PEX1: variants seen among roughly 807,000 people sequenced by gnomAD.
PEX1 encodes peroxisomal biogenesis factor 1, also known as peroxisomal ATPase PEX1.
In PEX1, 97 loss-of-function variants were observed where a neutral mutation model predicts 152.5. That is an observed-to-expected ratio of 0.64 (90% CI 0.54 to 0.75). The LOEUF is 0.75. Ranked by LOEUF, PEX1 falls within the 30% of genes least tolerant of loss-of-function variation. The probability of loss-of-function intolerance (pLI) is 0.00; values close to 1 mark genes in which losing one functional copy is unlikely to be tolerated. For synonymous variants in PEX1, 485 were observed against 531.6 expected, an observed-to-expected ratio of 0.91 and a Z score of 1.21; for missense variants, 1,357 against 1,516.3, an observed-to-expected ratio of 0.89 and a Z score of 1.74.
Position 92,487,465 on chromosome 7 carries a change from A to C in PEX1, c.3844T>G (p.Leu1282Val). 1 of 1,570,708 alleles carries C rather than the reference A, an allele frequency of 6.4e-7. No homozygotes were observed. The highest frequency in any genetic ancestry group is 8.7e-7 in the Non-Finnish European group (1 of 1,144,748). ...TMFRPGQKVT[L>V]A Reference sequence around the variant, plus strand: ...TCAAAAAGAAGTATATTTTATGCTAAAGTTACTTTCTGTCCAGGTCGAAAC... The same window carrying C: ...TCAAAAAGAAGTATATTTTATGCTACAGTTACTTTCTGTCCAGGTCGAAAC... The change falls in exon 24 of 24, where the codon TTA becomes GTA. Residue 1282 changes from leucine (L) to valine (V), a missense_variant. Coordinates refer to ENST00000248633, the MANE Select transcript of PEX1 (RefSeq NM_000466.3).
At position 92,504,784 on chromosome 7, in the gene PEX1, G is replaced by C. The variant is rs368345209; in HGVS notation, c.2019C>G (p.Val673=). 6.2e-7 allele frequency: 1 copy of C among 1,614,196 alleles called. No homozygotes were observed. The highest frequency in any genetic ancestry group is 1.1e-5 in the South Asian group (1 of 91,080). ...CATCAGGACTGTGCTCATGTTCCGG[G>C]ACAGCAGGCAGTCCAGCAATGAGGT... ...DLDLIAGLPA[V]PEHEHSPDAV... is the part of the protein sequence containing the mutation. The change falls in exon 12 of 24, where the codon GTC becomes GTG. Residue 673 remains valine (V), a synonymous_variant. Transcript: ENST00000248633.
rs1226811455 is a variant in PEX1, at chr7:92,496,732, C to G, written c.2764G>C (p.Val922Leu). ...SKYIGASEQAVRDIFIRAQAA... is the reference protein window; with the variant it reads ...SKYIGASEQALRDIFIRAQAA... ...ACCAACCTAATAAAAATATCCCGAA[C>G]AGCTTGTTCACTTGCTCCAATGTAT... Residue 922 changes from valine (V) to leucine (L), a missense_variant, in exon 17 of 24, where the codon GTT becomes CTT. Val to Leu is a conservative substitution (Grantham distance 32, BLOSUM62 1). Transcript: ENST00000248633. The G allele has an allele frequency of 1.2e-6, 2 of 1,608,666 alleles. No homozygotes were observed. The highest frequency in any genetic ancestry group is 4.5e-5 in the East Asian group (2 of 44,782).
chr7:92,510,637 C>T (rs561213209), intron 8 of PEX1, among the ~76,000 whole-genome samples: 3 of 152,084 alleles, frequency 2.0e-5, no homozygotes, highest in South Asian at 4.1e-4. Context: ...CTTAAAACTA[C>T]GTTTTCATTT....
At position 92,517,724 on chromosome 7, in the gene PEX1, G is replaced by A; in HGVS notation, c.791C>T (p.Ser264Phe). Residue 264 changes from serine (S) to phenylalanine (F), a missense_variant, in exon 5 of 24, where the codon TCT (serine) becomes TTT (phenylalanine). Ser to Phe is a radical substitution (Grantham distance 155). Transcript: ENST00000248633. The part of the protein sequence containing the change: ...SFQSEKKQET[S>F]WGLTEINAFK... ...TGCATTGATTTCAGTTAAACCCCAAGATGTCTCTTGTTTCTTCTCAGATTG... is the reference window on the plus strand; with the variant it reads ...TGCATTGATTTCAGTTAAACCCCAAAATGTCTCTTGTTTCTTCTCAGATTG... The A allele has an allele frequency of 1.2e-6, 2 of 1,611,326 alleles. No individual in the cohort carries two copies. Among genetic ancestry groups the A allele is most frequent in the Non-Finnish European group, 1.7e-6 (2 of 1,178,238 alleles).
intron 21 of PEX1, among the ~76,000 whole-genome samples, chr7:92,490,604 T>C (rs1462462684): frequency 7.4e-6 from 1 of 134,976 alleles, no homozygotes. Flanking sequence ...CACTGCACTC[T>C]AGTCTGGATG....
Position 92,487,322 on chromosome 7 carries a change from A to G in PEX1, c.*135T>C. ...TGATCATTACATAATTATAGCATTT[A>G]CCAATCTGTGATTTTATAAATTAAC... On this transcript the variant is annotated 3_prime_UTR_variant, in exon 24 of 24. Coordinates refer to ENST00000248633, the MANE Select transcript of PEX1 (RefSeq NM_000466.3). 1 of 587,122 alleles carries G rather than the reference A, an allele frequency of 1.7e-6. No individual in the cohort carries two copies. The highest frequency in any genetic ancestry group is 3.0e-6 in the Non-Finnish European group (1 of 330,576). 36.4% of individuals were successfully genotyped at this position (587,122 alleles called of 1,614,324 possible). A position where few individuals can be genotyped will look rare whatever the true frequency, so the allele number is the denominator to read the frequency against.
At position 92,494,498 on chromosome 7, in the gene PEX1, TCTA is replaced by T. The variant is rs751145375; in HGVS notation, c.2912_2914del (p.Val971del). On this transcript the variant is annotated inframe_deletion, in exon 18 of 24. Coordinates refer to ENST00000248633, the MANE Select transcript of PEX1 (RefSeq NM_000466.3). ...TTTATAATTATTACCCTGTAAGCCT[TCTA>T]CTCCATCCAACTGAGTCAGCAACTG... 1 of 1,613,784 alleles carries T rather than the reference TCTA, an allele frequency of 6.2e-7. No homozygotes were observed. Among genetic ancestry groups the T allele is most frequent in the Non-Finnish European group, 8.5e-7 (1 of 1,179,692 alleles).
At chr7:92,491,697 A>G in intron 20 of PEX1, 195 bp from the exon 21 acceptor site, 1 of 550,934 alleles carries the variant, frequency 1.8e-6, no homozygotes, top group Non-Finnish European at 3.2e-6. Flanking sequence ...GACAAGATAG[A>G]ATGTGTAGAT....
chr7:92,518,439 ATACATCATCTCACAGT>A (rs1229324540), intron 3 of PEX1, among the ~76,000 whole-genome samples, 184 bp from the exon 4 acceptor site: 1 of 152,278 alleles, frequency 6.6e-6, no homozygotes, highest in Non-Finnish European at 1.5e-5. Context: ...AAATTAACAT[ATACATCATCTCACAGT>A]TACCCACTTT....
At chr7:92,505,782 A>G (rs970213251) in intron 11 of PEX1, among the ~76,000 whole-genome samples, 31 of 152,212 alleles carry the variant, frequency 2.0e-4, no homozygotes, top group Non-Finnish European at 1.5e-5. Flanking sequence ...AATCTTCCCA[A>G]TATTTTTTAA....
intron 1 of PEX1, among the ~76,000 whole-genome samples, chr7:92,525,848 T>C (rs566868480): frequency 1.3e-5 from 2 of 151,996 alleles, no homozygotes; most frequent in African/African-American, 2.4e-5. Context: ...CAGAGAAGTA[T>C]TGAAAGGGAG....
Position 92,506,973 on chromosome 7 carries a change from GAA to G in PEX1, c.1803+19_1803+20del. The G allele has an allele frequency of 6.2e-7, 1 of 1,612,294 alleles. No individual in the cohort carries two copies. Among genetic ancestry groups the G allele is most frequent in the Admixed American group, 1.7e-5 (1 of 59,998 alleles). ...AAGTTATTAAATGTTACAGAAAAAT[GAA>G]CACACCTTAACCACTTACCTTTCCT... On this transcript the variant is annotated intron_variant, in intron 10 of 23. Coordinates refer to ENST00000248633, the MANE Select transcript of PEX1 (RefSeq NM_000466.3).
rs886038302 is a variant in PEX1, at chr7:92,501,870, G to A, written c.2416+20C>T. ...AATAGAAAGAAGATTCCAAGTTCAG[G>A]TTTTAATAGTAAAACATACTTTCTC... is the stretch of plus-strand genomic sequence containing the variant. On this transcript the variant is annotated intron_variant, in intron 14 of 23. Transcript: ENST00000248633. 2 of 1,598,070 alleles carry A rather than the reference G, an allele frequency of 1.3e-6. No individual in the cohort carries two copies. The highest frequency in any genetic ancestry group is 2.7e-5 in the African/African-American group (2 of 74,508).
intron 3 of PEX1, among the ~76,000 whole-genome samples, chr7:92,518,785 G>A (rs1320181387): frequency 6.6e-6 from 1 of 152,152 alleles, no homozygotes; most frequent in East Asian, 1.9e-4. Flanking sequence ...GCCCAGCCTG[G>A]TCTTGAACTC....
intron 16 of PEX1, among the ~76,000 whole-genome samples, chr7:92,498,088 AAACT>A (rs1479430768): frequency 5.3e-5 from 8 of 151,604 alleles, no homozygotes; most frequent in Admixed American, 1.3e-4. Context: ...AAAAAAAAAA[AAACT>A]AAGGCAAAAT....
intron 23 of PEX1, among the ~76,000 whole-genome samples, chr7:92,487,961 A>C (rs1295103846): frequency 6.6e-6 from 1 of 152,172 alleles, no homozygotes; most frequent in Non-Finnish European, 1.5e-5. Flanking sequence ...AAAAAATGTG[A>C]GCTCCCTGTT....
chr7:92,525,422 C>T (rs1418406019), intron 1 of PEX1, among the ~76,000 whole-genome samples: 3 of 152,176 alleles, frequency 2.0e-5, no homozygotes, highest in Admixed American at 6.5e-5. Flanking sequence ...GATTTAGGTT[C>T]GTTTGCATTC....
In PEX1 at chr7:92,517,836, C is replaced by A. The variant is rs1441463282; in HGVS notation, c.679G>T (p.Glu227Ter). ...ATCTCTGACTCGTTTTCATTAGATTCAGTGATTCCCACAGTATTTGACTGA... is the reference window on the plus strand; with the variant it reads ...ATCTCTGACTCGTTTTCATTAGATTAAGTGATTCCCACAGTATTTGACTGA... ...QLQSNTVGIT[E>*]SNENESEIPV... The change falls in exon 5 of 24, where the codon GAA (glutamate) becomes TAA (stop). Residue 227 changes from glutamate (E) to a stop codon, truncating the protein, a stop_gained. Coordinates refer to ENST00000248633, the MANE Select transcript of PEX1 (RefSeq NM_000466.3). LOFTEE classifies it high-confidence loss of function. The A allele has an allele frequency of 6.5e-7, 1 of 1,544,638 alleles. No individual in the cohort carries two copies. Among genetic ancestry groups the A allele is most frequent in the Admixed American group, 2.1e-5 (1 of 47,786 alleles).
intron 9 of PEX1, chr7:92,507,640 CTTTTT>C (rs746005345): frequency 2.3e-5 from 3 of 128,660 alleles, no homozygotes; most frequent in African/African-American, 2.9e-5. Context: ...TGACTTCAAG[CTTTTT>C]TTTTTTTTTT....
Sources: gnomAD v4.1 joint callset for allele counts (sites outside exome capture counted in the v4.1 genomes callset) on GRCh38, gnomAD v4.1.1 for gene constraint, MANE v1.5 for transcripts, NCBI Gene and HGNC (gene_info 2026-07-23, HGNC 2026-07-21) for gene names.